Variants in DENND1B observed in about 807,000 individuals in gnomAD.
The protein encoded by DENND1B is DENN domain-containing protein 1B.
DENND1B carries 59 observed loss-of-function variants against 90.1 expected under a neutral mutation model. The ratio of observed to expected loss-of-function variants is 0.65; its 90% confidence interval spans 0.53 to 0.81. The LOEUF (loss-of-function observed/expected upper bound fraction) is 0.81. Among genes scored for constraint, DENND1B ranks in the 40% least tolerant of loss-of-function variants. The pLI, the probability that DENND1B is intolerant of heterozygous loss-of-function variation, is 0.00. For missense variants in DENND1B, 862 were observed against 912.6 expected (o/e 0.94, Z 0.71); for synonymous variants, 337 against 324.6 (o/e 1.04, Z -0.41).
intron 3 of DENND1B, among the ~76,000 whole-genome samples, chr1:197,690,897 G>T (rs1657802346): frequency 6.6e-6 from 1 of 151,336 alleles, no homozygotes; most frequent in African/African-American, 2.4e-5. Context: ...ATCTGTCATA[G>T]AACTTTGAAA....
intron 3 of DENND1B, among the ~76,000 whole-genome samples, chr1:197,698,220 A>C (rs928187961): frequency 6.6e-6 from 1 of 152,144 alleles, no homozygotes; most frequent in African/African-American, 2.4e-5. Flanking sequence ...ACAGTCTCTC[A>C]GACCACAGTG....
intron 13 of DENND1B, among the ~76,000 whole-genome samples, chr1:197,601,058 C>T (rs1676163288): frequency 6.6e-6 from 1 of 151,524 alleles, no homozygotes; most frequent in Non-Finnish European, 1.5e-5. Flanking sequence ...AATTAGGATA[C>T]CACTGTAATT....
intron 3 of DENND1B, among the ~76,000 whole-genome samples, chr1:197,695,321 GT>G (rs1295976700): frequency 3.3e-5 from 5 of 150,832 alleles, no homozygotes; most frequent in Middle Eastern, 6.8e-3. Context: ...TGGTATAGTG[GT>G]TATACCACTA....
intron 13 of DENND1B, among the ~76,000 whole-genome samples, chr1:197,595,727 T>C (rs1675627690): frequency 6.6e-6 from 1 of 152,088 alleles, no homozygotes; most frequent in African/African-American, 2.4e-5. Context: ...TTGTTACAGG[T>C]CCTCCAGGAT....
Position 197,663,871 on chromosome 1 carries a change from T to C in DENND1B, c.297-5502A>G, listed in dbSNP as rs550159364. ...AAATCCTACCGACTACTCACTTTCTTATCTGACAAGAAAATGATCCAGGGT... is the reference window on the plus strand; with the variant it reads ...AAATCCTACCGACTACTCACTTTCTCATCTGACAAGAAAATGATCCAGGGT... On this transcript the variant is annotated intron_variant, in intron 5 of 22. Transcript: ENST00000620048. Among the ~76,000 whole-genome samples, 7 of 152,214 alleles carry C rather than the reference T, an allele frequency of 4.6e-5. No homozygotes were observed. The East Asian group carries it at 1.3e-3, about 29-fold the overall frequency.
chr1:197,618,496 T>C (rs571331615), intron 10 of DENND1B, among the ~76,000 whole-genome samples: 1 of 151,374 alleles, frequency 6.6e-6, no homozygotes, highest in East Asian at 2.0e-4. Flanking sequence ...ATTTTAAAGG[T>C]AATTGCCATT....
chr1:197,774,133 A>G (rs1199033156), intron 1 of DENND1B, among the ~76,000 whole-genome samples: 1 of 152,208 alleles, frequency 6.6e-6, no homozygotes, highest in East Asian at 1.9e-4. Flanking sequence ...AATTAATGTC[A>G]AGAAGCATAC....
chr1:197,725,507 T>A (rs1197500882), intron 2 of DENND1B, among the ~76,000 whole-genome samples: 1 of 151,958 alleles, frequency 6.6e-6, no homozygotes, highest in African/African-American at 2.4e-5. Flanking sequence ...TATAAAACAA[T>A]GTTTACTGAA....
chr1:197,559,128 A>T (rs891060472), intron 15 of DENND1B, among the ~76,000 whole-genome samples: 1 of 151,942 alleles, frequency 6.6e-6, no homozygotes, highest in Non-Finnish European at 1.5e-5. Context: ...TATTTCCAGC[A>T]TTGAATCTAA....
intron 3 of DENND1B, among the ~76,000 whole-genome samples, chr1:197,689,227 G>GT (rs747555982): frequency 2.3e-4 from 35 of 152,050 alleles, no homozygotes; most frequent in Admixed American, 1.9e-3. Context: ...GAGGAACAAA[G>GT]TCATGTCTTA....
chr1:197,736,565 T>C, intron 2 of DENND1B, among the ~76,000 whole-genome samples: 1 of 152,240 alleles, frequency 6.6e-6, no homozygotes, highest in South Asian at 2.1e-4. Flanking sequence ...CTTGAATTCC[T>C]GGCCTGAAGC....
upstream of DENND1B, among the ~76,000 whole-genome samples, chr1:197,778,737 T>C (rs1342424405): frequency 3.3e-5 from 5 of 152,062 alleles, no homozygotes; most frequent in Admixed American, 2.6e-4. Context: ...ATTTCTGCCA[T>C]CTAATTTTGT....
Position 197,510,593 on chromosome 1 carries a change from T to G in DENND1B, c.2195A>C (p.Glu732Ala), listed in dbSNP as rs200236372. 3.2e-5 allele frequency: 51 copies of G among 1,612,662 alleles called. No homozygotes were observed. Among genetic ancestry groups the G allele is most frequent in the Non-Finnish European group, 4.0e-5 (47 of 1,179,210 alleles). ...TGAAGTCTCTTTGGCTTCTTTCCCT[T>G]CTTTCTCCCAAGGAACAAAAGTCGA... ...HSSTFVPWEK[E>A]GKEAKETSED... is the part of the protein sequence containing the mutation. Residue 732 changes from glutamate (E) to alanine (A), a missense_variant, in exon 23 of 23, where the codon GAA becomes GCA. Transcript: ENST00000620048.
intron 18 of DENND1B, among the ~76,000 whole-genome samples, chr1:197,542,944 T>TA (rs1670451046): frequency 1.4e-5 from 2 of 146,940 alleles, no homozygotes; most frequent in Non-Finnish European, 3.0e-5. Context: ...TTTATTTATT[T>TA]TTTTCCCTGA....
At chr1:197,698,860 C>T (rs550284864) in intron 3 of DENND1B, among the ~76,000 whole-genome samples, 6 of 152,064 alleles carry the variant, frequency 3.9e-5, no homozygotes, top group Non-Finnish European at 5.9e-5. Flanking sequence ...GACTAAACCA[C>T]GAAGAAGTCG....
At chr1:197,755,796 T>C (rs1178515335) in intron 2 of DENND1B, among the ~76,000 whole-genome samples, 3 of 152,140 alleles carry the variant, frequency 2.0e-5, no homozygotes, top group African/African-American at 7.2e-5. Context: ...AAGAGCAAGC[T>C]TGTGCAGAGA....
At chr1:197,759,556 G>A (rs1012827166) in intron 2 of DENND1B, among the ~76,000 whole-genome samples, 1 of 151,234 alleles carries the variant, frequency 6.6e-6, no homozygotes, top group Non-Finnish European at 1.5e-5. Flanking sequence ...GCCATCTTTG[G>A]TGAAACTCCG....
chr1:197,591,321 G>A (rs1358828935), intron 14 of DENND1B, among the ~76,000 whole-genome samples: 4 of 152,080 alleles, frequency 2.6e-5, no homozygotes, highest in Non-Finnish European at 4.4e-5. Flanking sequence ...GCTTCAGAGA[G>A]GTCCTATTAT....
intron 19 of DENND1B, 126 bp downstream of exon 19, chr1:197,540,831 TAC>T (rs1670280095): frequency 1.2e-6 from 1 of 803,156 alleles, no homozygotes; most frequent in Non-Finnish European, 2.0e-6. Flanking sequence ...TTATAAAAAA[TAC>T]ATTCTTGAAC....
Sources: gnomAD v4.1 joint callset for allele counts (sites outside exome capture counted in the v4.1 genomes callset) on GRCh38, gnomAD v4.1.1 for gene constraint, MANE v1.5 for transcripts, NCBI Gene and HGNC (gene_info 2026-07-23, HGNC 2026-07-21) for gene names.